The following TSPOAP1 variants were observed in gnomAD, a reference collection of about 807,000 sequenced individuals.
TSPOAP1 encodes the protein TSPO associated protein 1.
TSPOAP1 carries 87 observed loss-of-function variants against 197.0 expected under a neutral mutation model. The ratio of observed to expected loss-of-function variants is 0.44; its 90% CI spans 0.37 to 0.53. The LOEUF is 0.53. Among genes scored for constraint, TSPOAP1 ranks in the 20% least tolerant of loss-of-function variants. The pLI, the probability that TSPOAP1 is intolerant of heterozygous loss-of-function variation, is 0.00. For missense variants in TSPOAP1, 2,174 were observed against 2,411.3 expected, an observed-to-expected ratio of 0.90 and a Z score of 2.06; for synonymous variants, 913 against 998.9, an observed-to-expected ratio of 0.91 and a Z score of 1.62.
Position 58,324,867 on chromosome 17 carries a change from G to A in TSPOAP1, c.886C>T (p.Pro296Ser), listed in dbSNP as rs774177343. Residue 296 changes from proline to serine, a missense_variant, in exon 5 of 32, where the codon CCG becomes TCG. By Grantham distance (74) the Pro-to-Ser change is moderately conservative. Around this residue, in one of 5 missense-constraint regions of TSPOAP1, gnomAD observed 1,933 missense variants for 2,139.0 expected, o/e 0.90. Coordinates refer to ENST00000343736, the MANE Select transcript of TSPOAP1 (RefSeq NM_004758.4). This position sits in a 1 kb window ranked among gnomAD's most constrained non-coding sequence, Gnocchi z 5.8. ...ETLPLPPSWP[P>S]GPALQARAGA... ...GCTCTGGCCTGGAGAGCAGGGCCCG[G>A]GGGCCAGGACGGCGGGAGCGGGAGC... is the stretch of plus-strand genomic sequence containing the variant. The A allele has an allele frequency of 2.0e-6, 3 of 1,530,492 alleles. No individual in the cohort carries two copies. The South Asian group carries it at 3.6e-5, about 18-fold the overall frequency. 94.8% of individuals were successfully genotyped at this position (1,530,492 alleles called of 1,614,324 possible).
chr17:58,324,920 T>G lies in TSPOAP1; in HGVS notation c.833A>C (p.Gln278Pro). 2 of 1,537,942 alleles carry G rather than the reference T, an allele frequency of 1.3e-6. No individual in the cohort carries two copies. The highest frequency in any genetic ancestry group is 1.7e-6 in the Non-Finnish European group (2 of 1,145,702). ...SQREVLRLQR[Q>P]IALRNQRETL... is the part of the protein sequence containing the mutation. ...CTCCCGCTGGTTGCGCAGCGCGATC[T>G]GCCTCTGCAGCCGCAGCACCTCCCG... The change falls in exon 5 of 32, where the codon CAG (glutamine) becomes CCG (proline). Residue 278 changes from glutamine (Q) to proline (P), a missense_variant. Gln to Pro is a moderately conservative substitution (Grantham distance 76). Coordinates refer to ENST00000343736, the MANE Select transcript of TSPOAP1 (RefSeq NM_004758.4). The surrounding 1 kb of genome is among the most constrained non-coding windows in gnomAD (Gnocchi z 5.8).
In TSPOAP1 at chr17:58,326,438, C is replaced by T; in HGVS notation, c.442-17G>A. The T allele has an allele frequency of 6.2e-7, 1 of 1,612,744 alleles. No individual in the cohort carries two copies. The highest frequency in any genetic ancestry group is 8.5e-7 in the Non-Finnish European group (1 of 1,179,748). ...GCTCTTCCTCTGACAAGGGGTCAGG[C>T]AGAATTGGGGCATGTAGGGAGCACC... On this transcript the variant is annotated splice_polypyrimidine_tract_variant and intron_variant, in intron 2 of 31. Transcript: ENST00000343736. This position sits in a 1 kb window ranked among gnomAD's most constrained non-coding sequence, Gnocchi z 4.7.
chr17:58,324,509 A>T lies in TSPOAP1; in HGVS notation c.942+302T>A, dbSNP rs1003941090. Among the ~76,000 whole-genome samples, 6 of 151,668 alleles carry T rather than the reference A, an allele frequency of 4.0e-5. No individual in the cohort carries two copies. Among genetic ancestry groups the T allele is most frequent in the Admixed American group, 1.3e-4 (2 of 15,250 alleles). ...GCCCCGGGCGGCTGCCAGGACAACC[A>T]GGGATTTGCGGCCGGGCCGTACCAC... is the stretch of plus-strand genomic sequence containing the variant. On this transcript the variant is annotated intron_variant, in intron 5 of 31. Coordinates refer to ENST00000343736, the MANE Select transcript of TSPOAP1 (RefSeq NM_004758.4). The surrounding 1 kb of genome is among the most constrained non-coding windows in gnomAD (Gnocchi z 5.8).
intron 10 of TSPOAP1, among the ~76,000 whole-genome samples, chr17:58,321,204 G>A (rs1002611699): frequency 1.3e-5 from 2 of 152,062 alleles, no homozygotes; most frequent in South Asian, 2.1e-4. Flanking sequence ...TTCACCTCAC[G>A]GAGTATGAAG....
rs924429192 is a variant in TSPOAP1, at chr17:58,304,498, T to G, written c.5545-99A>C. On this transcript the variant is annotated intron_variant, in intron 30 of 31. Transcript: ENST00000343736. The surrounding 1 kb of genome is among the most constrained non-coding windows in gnomAD (Gnocchi z 4.2). ...CCCTGCGCAGGGGTGGGCCCTACTC[T>G]CCAAGGCCTTTGTGTTCACACATGG... is the stretch of plus-strand genomic sequence containing the variant. 1.1e-6 allele frequency: 1 copy of G among 943,394 alleles called. No individual in the cohort carries two copies. The highest frequency in any genetic ancestry group is 1.7e-6 in the Non-Finnish European group (1 of 575,682). 58.4% of individuals were successfully genotyped at this position (943,394 alleles called of 1,614,324 possible). A position where few individuals can be genotyped will look rare whatever the true frequency, so the allele number is the denominator to read the frequency against.
At chr17:58,307,991 T>G (rs751728934) in intron 22 of TSPOAP1, 50 bp from the exon 23 acceptor site, 4 of 1,523,764 alleles carry the variant, frequency 2.6e-6, no homozygotes, top group Non-Finnish European at 3.6e-6. Flanking sequence ...ATCCCTCTGG[T>G]GGGCTCGTGC....
chr17:58,316,149 A>AGAG lies in TSPOAP1; in HGVS notation c.1989-20_1989-18dup, dbSNP rs779799212. ...GGGTTGTAGCTGTTAGGGGAGGCAC[A>AGAG]GAGGAGGAGGAGGAGAGTGACCTAC... is the stretch of plus-strand genomic sequence containing the variant. On this transcript the variant is annotated splice_polypyrimidine_tract_variant and intron_variant, in intron 15 of 31. Coordinates refer to ENST00000343736, the MANE Select transcript of TSPOAP1 (RefSeq NM_004758.4). The AGAG allele has an allele frequency of 1.3e-6, 2 of 1,581,396 alleles. No homozygotes were observed. Among genetic ancestry groups the AGAG allele is most frequent in the African/African-American group, 1.3e-5 (1 of 74,250 alleles).
intron 22 of TSPOAP1, among the ~76,000 whole-genome samples, chr17:58,308,173 G>A (rs776848292): frequency 2.0e-4 from 31 of 152,208 alleles, no homozygotes; most frequent in Non-Finnish European, 4.0e-4. Context: ...GGAGTAGAGG[G>A]GACTGGAGTT....
chr17:58,308,951 C>G lies in TSPOAP1; in HGVS notation c.4321G>C (p.Gly1441Arg), dbSNP rs750338700. 2 of 1,605,570 alleles carry G rather than the reference C, an allele frequency of 1.2e-6. No individual in the cohort carries two copies. The highest frequency in any genetic ancestry group is 1.7e-6 in the Non-Finnish European group (2 of 1,176,542). Residue 1441 changes from glycine to arginine, a missense_variant, in exon 22 of 32, where the codon GGA becomes CGA. Around this residue, in one of 5 missense-constraint regions of TSPOAP1, gnomAD observed 1,933 missense variants for 2,139.0 expected, o/e 0.90. Transcript: ENST00000343736. ...LLSNNGPQASGRLGPTRERGG... is the reference protein window; with the variant it reads ...LLSNNGPQASRRLGPTRERGG... ...CTCTCCCGTGTGGGGCCCAGTCGTCCAGAGGCCTGGGGCCCATTGTTGCTG... is the reference window on the plus strand; with the variant it reads ...CTCTCCCGTGTGGGGCCCAGTCGTCGAGAGGCCTGGGGCCCATTGTTGCTG...
chr17:58,308,423 G>T (rs998554890), intron 22 of TSPOAP1, 118 bp downstream of exon 22: 4 of 1,433,546 alleles, frequency 2.8e-6, no homozygotes, highest in Non-Finnish European at 3.7e-6. Context: ...CCGGAGGCCC[G>T]GCCCCACCTC....
chr17:58,311,017 T>C lies in TSPOAP1; in HGVS notation c.3278A>G (p.His1093Arg), dbSNP rs111809506. The change falls in exon 19 of 32, where the codon CAC becomes CGC. Residue 1093 changes from histidine (H) to arginine (R), a missense_variant. By Grantham distance (29) the His-to-Arg change is conservative. This residue lies in a region of TSPOAP1 where 1,933 missense variants were observed against 2,139.0 expected (regional missense o/e 0.90). Transcript: ENST00000343736. ...GGGCGCTCTGGCCTCTGGGCTTGGG[T>C]GCGGTGAGGGGCAGGAGACTCGGGC... Reference protein sequence around the residue: ...LPARVSCPSPHPSPEARAPLA... With the variant: ...LPARVSCPSPRPSPEARAPLA... 28 of 1,595,858 alleles carry C rather than the reference T, an allele frequency of 1.8e-5. 1 individual carries two copies. The African/African-American group carries it at 2.3e-4, about 13-fold the overall frequency.
chr17:58,322,506 A>C lies in TSPOAP1; in HGVS notation c.1318-94T>G. The C allele has an allele frequency of 6.4e-7, 1 of 1,553,008 alleles. No individual in the cohort carries two copies. The highest frequency in any genetic ancestry group is 8.7e-7 in the Non-Finnish European group (1 of 1,150,098). ...GGAAGCCTCAAACACCATTTGCTCCAGATTCCTCTATTACAAAGGAAACTG... is the reference window on the plus strand; with the variant it reads ...GGAAGCCTCAAACACCATTTGCTCCCGATTCCTCTATTACAAAGGAAACTG... On this transcript the variant is annotated intron_variant, in intron 9 of 31. Coordinates refer to ENST00000343736, the MANE Select transcript of TSPOAP1 (RefSeq NM_004758.4). This position sits in a 1 kb window ranked among gnomAD's most constrained non-coding sequence, Gnocchi z 5.0.
intron 31 of TSPOAP1, chr17:58,303,453 G>A (rs1490794012): frequency 6.6e-6 from 1 of 151,908 alleles, no homozygotes; most frequent in Non-Finnish European, 1.5e-5. Flanking sequence ...GCCCACAGAG[G>A]CCAAAGCATC....
Position 58,309,214 on chromosome 17 carries a change from G to C in TSPOAP1, c.4058C>G (p.Ser1353Cys), listed in dbSNP as rs374910457. 1.5e-5 allele frequency: 24 copies of C among 1,613,934 alleles called. No individual in the cohort carries two copies. The highest frequency in any genetic ancestry group is 1.9e-5 in the Non-Finnish European group (22 of 1,180,024). ...TTCAGGCGGGCCAGGGTCTCGGGAA[G>C]AACAGCCTGCCCCTGACTTCTCCTC... The part of the protein sequence containing the change: ...EEEEKSGAGC[S>C]SRDPGPPEPA... The change falls in exon 22 of 32, where the codon TCT becomes TGT. Residue 1353 changes from serine (S) to cysteine (C), a missense_variant. Ser to Cys is a moderately radical substitution (Grantham distance 112). This residue lies in a region of TSPOAP1 where 1,933 missense variants were observed against 2,139.0 expected (regional missense o/e 0.90). Transcript: ENST00000343736. The surrounding 1 kb of genome is among the most constrained non-coding windows in gnomAD (Gnocchi z 5.0).
At chr17:58,313,348 T>C (rs890995754) in intron 16 of TSPOAP1, among the ~76,000 whole-genome samples, 1 of 152,128 alleles carries the variant, frequency 6.6e-6, no homozygotes, top group African/African-American at 2.4e-5. Context: ...CATGGTGGCT[T>C]ATGCCTGTAA....
chr17:58,304,586 G>A lies in TSPOAP1; in HGVS notation c.5545-187C>T, dbSNP rs1970818102. ...CCCTCTCTCCCTGCCCTCTGAGAGT[G>A]GAGGCTTAGTTGTATTCCACTCACC... On this transcript the variant is annotated intron_variant, in intron 30 of 31. Coordinates refer to ENST00000343736, the MANE Select transcript of TSPOAP1 (RefSeq NM_004758.4). This position sits in a 1 kb window ranked among gnomAD's most constrained non-coding sequence, Gnocchi z 4.2. 1 of 613,032 alleles carries A rather than the reference G, an allele frequency of 1.6e-6. No individual in the cohort carries two copies. The highest frequency in any genetic ancestry group is 1.9e-5 in the African/African-American group (1 of 53,996). 38.0% of individuals were successfully genotyped at this position (613,032 alleles called of 1,614,324 possible). A position where few individuals can be genotyped will look rare whatever the true frequency, so the allele number is the denominator to read the frequency against.
Position 58,323,339 on chromosome 17 carries a change from C to T in TSPOAP1, c.1063G>A (p.Glu355Lys). Residue 355 changes from glutamate (E) to lysine (K), a missense_variant, in exon 7 of 32, where the codon GAG becomes AAG. Physicochemically the swap from Glu to Lys is moderately conservative, Grantham distance 56. This residue lies in a region of TSPOAP1 where 1,933 missense variants were observed against 2,139.0 expected (regional missense o/e 0.90). Transcript: ENST00000343736. ...CTCTGCTTTTTCCGGGCTTCCTGCTCCAGGCTCTCGCATTTCTTCCGCTTC... is the reference window on the plus strand; with the variant it reads ...CTCTGCTTTTTCCGGGCTTCCTGCTTCAGGCTCTCGCATTTCTTCCGCTTC... ...SKKRKKCESL[E>K]QEARKKQRRC... 1 of 1,614,224 alleles carries T rather than the reference C, an allele frequency of 6.2e-7. No individual in the cohort carries two copies. Among genetic ancestry groups the T allele is most frequent in the Non-Finnish European group, 8.5e-7 (1 of 1,180,032 alleles).
At chr17:58,321,015 A>G (rs971872312) in intron 10 of TSPOAP1, among the ~76,000 whole-genome samples, 9 of 152,116 alleles carry the variant, frequency 5.9e-5, no homozygotes, top group Non-Finnish European at 1.3e-4. Context: ...TACTCATACA[A>G]CTAAACACAC....
At chr17:58,305,730 C>A in intron 27 of TSPOAP1, 87 bp from the exon 28 acceptor site, 1 of 1,497,348 alleles carries the variant, frequency 6.7e-7, no homozygotes, top group Non-Finnish European at 9.2e-7. Context: ...TGCTGACCCC[C>A]TGTCACCACC....
Sources: allele counts gnomAD v4.1 joint callset (sites outside exome capture counted in the v4.1 genomes callset), GRCh38; gene constraint gnomAD v4.1.1; regional missense constraint gnomAD v4.1.1; non-coding constraint Gnocchi (gnomAD v3.1); transcripts MANE v1.5; gene names NCBI Gene and HGNC (gene_info 2026-07-23, HGNC 2026-07-21).